XKR4: variants seen among roughly 807,000 people sequenced by gnomAD.
XKR4 encodes XK-related protein 4.
A neutral mutation model predicts 53.9 loss-of-function variants in XKR4; 12 were observed. The ratio of observed to expected loss-of-function variants is 0.22; its 90% confidence interval spans 0.14 to 0.36. XKR4 has a LOEUF of 0.36. Ranked by LOEUF, XKR4 falls within the 10% of genes least tolerant of loss-of-function variation. The pLI is 1.00. For missense variants in XKR4, 799 were observed against 859.5 expected, an observed-to-expected ratio of 0.93 and a Z score of 0.88; for synonymous variants, 354 against 362.4, an observed-to-expected ratio of 0.98 and a Z score of 0.26.
intron 1 of XKR4, among the ~76,000 whole-genome samples, chr8:55,289,172 C>A (rs1818947270): frequency 6.6e-6 from 1 of 152,070 alleles, no homozygotes; most frequent in African/African-American, 2.4e-5. Flanking sequence ...GGGACACCTT[C>A]CTAAGAGTGC....
intron 1 of XKR4, among the ~76,000 whole-genome samples, chr8:55,162,124 G>A (rs1048256969): frequency 2.0e-5 from 3 of 152,116 alleles, no homozygotes; most frequent in African/African-American, 7.2e-5. Context: ...CTAACTCCAT[G>A]TCTGACTGTG....
At chr8:55,449,519 G>A (rs925213631) in intron 2 of XKR4, 4 of 1,457,502 alleles carry the variant, frequency 2.7e-6, no homozygotes, top group African/African-American at 2.8e-5. Context: ...TCAGGCGTCC[G>A]ACAGTCAGCT....
intron 1 of XKR4, among the ~76,000 whole-genome samples, chr8:55,280,095 T>C (rs777737384): frequency 3.3e-5 from 5 of 152,218 alleles, no homozygotes; most frequent in Non-Finnish European, 7.3e-5. Context: ...TATTAAAAGA[T>C]TGCCCACTTT....
chr8:55,474,708 A>G (rs1299523186), intron 2 of XKR4, among the ~76,000 whole-genome samples: 1 of 152,130 alleles, frequency 6.6e-6, no homozygotes, highest in Admixed American at 6.5e-5. Flanking sequence ...ATTAATCACA[A>G]ATCCCTATGG....
At chr8:55,190,185 A>T (rs372354218) in intron 1 of XKR4, among the ~76,000 whole-genome samples, 7 of 152,296 alleles carry the variant, frequency 4.6e-5, no homozygotes, top group Admixed American at 1.3e-4. Flanking sequence ...TTTCCTAAGC[A>T]TGTGGGAGCA....
intron 1 of XKR4, among the ~76,000 whole-genome samples, chr8:55,177,581 G>A (rs974867532): frequency 3.2e-4 from 48 of 152,210 alleles, no homozygotes; most frequent in African/African-American, 1.2e-3. Context: ...AGCTGTGTGT[G>A]TCACAGAGTG....
Position 55,523,802 on chromosome 8 carries a change from T to C in XKR4, c.1528T>C (p.Tyr510His). The change falls in exon 3 of 3, where the codon TAT becomes CAT. Residue 510 changes from tyrosine to histidine, a missense_variant. Around this residue, in one of 3 missense-constraint regions of XKR4, gnomAD observed 269 missense variants for 264.4 expected, o/e 1.02. Transcript: ENST00000327381. The part of the protein sequence containing the change: ...LTGVVFMLMY[Y>H]AFFHPNGPRF... ...TGGCGTTGTTTTTATGCTGATGTAT[T>C]ATGCCTTCTTTCATCCCAATGGACC... 1 of 1,614,204 alleles carries C rather than the reference T, an allele frequency of 6.2e-7. No individual in the cohort carries two copies.
Position 55,524,082 on chromosome 8 carries a change from G to C in XKR4, c.1808G>C (p.Arg603Thr). ...ATTAAAATTGACTTGTTCAGGAATA[G>C]GTACCCAGCATGGGAGAGACATGTT... is the stretch of plus-strand genomic sequence containing the variant. ...SVIKIDLFRN[R>T]YPAWERHVLD... Residue 603 changes from arginine (R) to threonine (T), a missense_variant, in exon 3 of 3, where the codon AGG becomes ACG. Around this residue, in one of 3 missense-constraint regions of XKR4, gnomAD observed 269 missense variants for 264.4 expected, o/e 1.02. Coordinates refer to ENST00000327381, the MANE Select transcript of XKR4 (RefSeq NM_052898.2). 6.2e-7 allele frequency: 1 copy of C among 1,614,208 alleles called. No homozygotes were observed. The highest frequency in any genetic ancestry group is 1.1e-5 in the South Asian group (1 of 91,086).
Position 55,531,450 on chromosome 8 carries a change from C to A in XKR4, c.*7223C>A. ...GCCATTGTGTGGCATGTGAGCCTTACAATATACAATTAACATATGAAATAA... is the reference window on the plus strand; with the variant it reads ...GCCATTGTGTGGCATGTGAGCCTTAAAATATACAATTAACATATGAAATAA... On this transcript the variant is annotated 3_prime_UTR_variant, in exon 3 of 3. Transcript: ENST00000327381. 6.6e-6 allele frequency: 1 copy of A among 151,262 alleles called. No homozygotes were observed. The highest frequency in any genetic ancestry group is 1.5e-5 in the Non-Finnish European group (1 of 67,854). 9.4% of individuals were successfully genotyped at this position (151,262 alleles called of 1,614,324 possible).
chr8:55,497,930 C>A (rs1806379267), intron 2 of XKR4, among the ~76,000 whole-genome samples: 1 of 152,118 alleles, frequency 6.6e-6, no homozygotes, highest in South Asian at 2.1e-4. Context: ...CCCGGGATCT[C>A]CCAGACTCAG....
chr8:55,305,937 G>C (rs4236978), intron 1 of XKR4, among the ~76,000 whole-genome samples: 1 of 151,942 alleles, frequency 6.6e-6, no homozygotes. Flanking sequence ...GTAAGTAAAA[G>C]TTAGTTTCAG....
chr8:55,149,934 T>C (rs1301159331), intron 1 of XKR4, among the ~76,000 whole-genome samples: 1 of 152,168 alleles, frequency 6.6e-6, no homozygotes, highest in Non-Finnish European at 1.5e-5. Flanking sequence ...TTCTTTATAT[T>C]GGAAAGGCTT....
intron 1 of XKR4, chr8:55,142,391 G>A (rs1816718377): frequency 3.4e-6 from 1 of 295,364 alleles, no homozygotes; most frequent in African/African-American, 2.2e-5. Flanking sequence ...CAACCCGTTG[G>A]CGCTCCTTAA....
At chr8:55,382,444 C>T (rs929989528) in intron 2 of XKR4, among the ~76,000 whole-genome samples, 1 of 152,084 alleles carries the variant, frequency 6.6e-6, no homozygotes, top group Non-Finnish European at 1.5e-5. Context: ...AAATTTGGGC[C>T]GATATGGCTG....
intron 1 of XKR4, among the ~76,000 whole-genome samples, chr8:55,112,217 A>G (rs932759875): frequency 6.6e-6 from 1 of 152,138 alleles, no homozygotes; most frequent in African/African-American, 2.4e-5. Flanking sequence ...AATCAGTTCT[A>G]CTTCTTTTGT....
intron 2 of XKR4, among the ~76,000 whole-genome samples, chr8:55,464,198 C>A (rs1161821766): frequency 6.6e-6 from 1 of 152,134 alleles, no homozygotes; most frequent in East Asian, 1.9e-4. Flanking sequence ...GACCAATATC[C>A]TTGATGAACA....
intron 1 of XKR4, among the ~76,000 whole-genome samples, chr8:55,302,610 G>T (rs1456450326): frequency 1.3e-5 from 2 of 152,106 alleles, no homozygotes; most frequent in African/African-American, 4.8e-5. Flanking sequence ...TCATGATATT[G>T]ATTCTTCCTA....
At chr8:55,444,763 A>G (rs1585576226) in intron 2 of XKR4, among the ~76,000 whole-genome samples, 1 of 152,364 alleles carries the variant, frequency 6.6e-6, no homozygotes, top group South Asian at 2.1e-4. Context: ...CTATCACTTT[A>G]GAAAATAATT....
chr8:55,341,862 G>T (rs542559052), intron 1 of XKR4, among the ~76,000 whole-genome samples: 1 of 151,938 alleles, frequency 6.6e-6, no homozygotes, highest in African/African-American at 2.4e-5. Context: ...AAACCCTCTC[G>T]GTGGGCACTG....
Sources: gnomAD v4.1 joint callset for allele counts (sites outside exome capture counted in the v4.1 genomes callset) on GRCh38, gnomAD v4.1.1 for gene constraint, gnomAD v4.1.1 regional missense constraint, MANE v1.5 for transcripts, NCBI Gene and HGNC (gene_info 2026-07-23, HGNC 2026-07-21) for gene names.